Variants in PCSK5 observed in about 807,000 individuals in gnomAD.
PCSK5 encodes prohormone convertase 5.
A neutral mutation model predicts 233.2 loss-of-function variants in PCSK5; 129 were observed. The observed-to-expected ratio is 0.55, with a 90% CI of 0.48 to 0.64. The LOEUF is 0.64. PCSK5 is among the 30% of genes least tolerant of loss of function. The pLI is 0.00. For missense variants in PCSK5, 2,076 were observed against 2,430.1 expected, an observed-to-expected ratio of 0.85 and a Z score of 3.06; for synonymous variants, 825 against 879.2, an observed-to-expected ratio of 0.94 and a Z score of 1.09.
At chr9:76,255,949 G>T (rs1314046991) in intron 24 of PCSK5, among the ~76,000 whole-genome samples, 2 of 152,324 alleles carry the variant, frequency 1.3e-5, no homozygotes, top group East Asian at 3.9e-4. Flanking sequence ...GCCAAATTCA[G>T]ACTTAGGACT....
intron 7 of PCSK5, among the ~76,000 whole-genome samples, chr9:76,083,414 G>A (rs756536768): frequency 5.9e-5 from 9 of 151,826 alleles, no homozygotes; most frequent in Admixed American, 2.6e-4. Flanking sequence ...GAGTTTCTTC[G>A]GCTTTAGTAA....
chr9:75,949,945 G>A (rs754016729), intron 2 of PCSK5, among the ~76,000 whole-genome samples: 4 of 152,128 alleles, frequency 2.6e-5, no homozygotes, highest in Non-Finnish European at 5.9e-5. Flanking sequence ...CATCTATGTT[G>A]GGACATTAAG....
intron 1 of PCSK5, among the ~76,000 whole-genome samples, chr9:75,923,042 C>T (rs889158409): frequency 1.3e-5 from 2 of 152,152 alleles, no homozygotes; most frequent in African/African-American, 4.8e-5. Context: ...GGTGGGGATA[C>T]TATGTTAGTG....
At chr9:76,159,463 C>T (rs1822749507) in intron 12 of PCSK5, among the ~76,000 whole-genome samples, 1 of 152,246 alleles carries the variant, frequency 6.6e-6, no homozygotes, top group Non-Finnish European at 1.5e-5. Context: ...CGTAAGGCCT[C>T]TGATATCCCC....
rs543683263 is a variant in PCSK5 at position 76,248,737 on chromosome 9, G to A, written c.3142+8053G>A. Among the ~76,000 whole-genome samples the A allele has an allele frequency of 5.9e-5, 9 of 152,232 alleles. No homozygotes were observed. In the South Asian group the frequency reaches 1.5e-3, roughly 25 times the overall value. ...CAGTTCCATAAACCTGACATTATATGTCTCCTGATGTGGTACTCAAGTAGA... is the reference window on the plus strand; with the variant it reads ...CAGTTCCATAAACCTGACATTATATATCTCCTGATGTGGTACTCAAGTAGA... On this transcript the variant is annotated intron_variant, in intron 24 of 37. Coordinates refer to ENST00000674117, the MANE Select transcript of PCSK5 (RefSeq NM_001372043.1).
intron 2 of PCSK5, among the ~76,000 whole-genome samples, chr9:75,942,477 G>T (rs1160977326): frequency 6.6e-6 from 1 of 152,178 alleles, no homozygotes; most frequent in Non-Finnish European, 1.5e-5. Flanking sequence ...CACGGTGGGG[G>T]CTCAAACATT....
rs901719514 is a variant in PCSK5, at chr9:76,194,083, A to G, written c.2626+4337A>G. ...TGGGTTATTTTACACGCAGTTCGCC[A>G]AATGGGATTGCTCTGTATAGTCAAA... On this transcript the variant is annotated intron_variant, in intron 20 of 37. Coordinates refer to ENST00000674117, the MANE Select transcript of PCSK5 (RefSeq NM_001372043.1). The G allele has an allele frequency of 2.0e-5, 3 of 152,238 alleles. No homozygotes were observed. The East Asian group carries it at 5.8e-4, about 29-fold the overall frequency. 9.4% of individuals were successfully genotyped at this position (152,238 alleles called of 1,614,324 possible). A position where few individuals can be genotyped will look rare whatever the true frequency, so the allele number is the denominator to read the frequency against.
chr9:76,349,318 T>C (rs1246630525), intron 35 of PCSK5, among the ~76,000 whole-genome samples: 3 of 140,840 alleles, frequency 2.1e-5, no homozygotes, highest in Admixed American at 1.4e-4. Flanking sequence ...AAATGTAGAA[T>C]GGGAAAAAGG....
intron 2 of PCSK5, among the ~76,000 whole-genome samples, chr9:75,961,773 A>G (rs1825365795): frequency 6.6e-6 from 1 of 152,256 alleles, no homozygotes; most frequent in African/African-American, 2.4e-5. Context: ...TATCGCCTAC[A>G]TGATGAAGTG....
intron 20 of PCSK5, among the ~76,000 whole-genome samples, chr9:76,197,581 T>C (rs1824751782): frequency 6.6e-6 from 1 of 152,208 alleles, no homozygotes; most frequent in South Asian, 2.1e-4. Context: ...AGACATTCAT[T>C]CTTAACAGCT....
rs145396902 is a variant in PCSK5, at chr9:76,158,315, G to A, written c.1431-668G>A. ...GACCTTGAAGGAAGAAGCGTTAGCC[G>A]TAGGGACATCAGCAACAACAACAAA... On this transcript the variant is annotated intron_variant, in intron 11 of 37. Coordinates refer to ENST00000674117, the MANE Select transcript of PCSK5 (RefSeq NM_001372043.1). Among the ~76,000 whole-genome samples, 162 of 152,284 alleles carry A rather than the reference G, an allele frequency of 1.1e-3. 1 individual carries two copies. Among genetic ancestry groups the A allele is most frequent in the East Asian group, 3.5e-3 (18 of 5,172 alleles).
chr9:76,118,943 T>G (rs768225423), intron 9 of PCSK5, among the ~76,000 whole-genome samples: 1 of 152,090 alleles, frequency 6.6e-6, no homozygotes, highest in Non-Finnish European at 1.5e-5. Flanking sequence ...TCAGATCATG[T>G]TGTTCATTTT....
intron 31 of PCSK5, among the ~76,000 whole-genome samples, chr9:76,322,251 T>C (rs1829230303): frequency 6.6e-6 from 1 of 152,188 alleles, no homozygotes; most frequent in South Asian, 2.1e-4. Flanking sequence ...CGCCCAGCTG[T>C]TCCCATCTTT....
chr9:76,084,811 A>AGG (rs1231019189), intron 7 of PCSK5, among the ~76,000 whole-genome samples: 1 of 152,208 alleles, frequency 6.6e-6, no homozygotes, highest in East Asian at 1.9e-4. Flanking sequence ...GTAACAAACA[A>AGG]GGGCCCATGG....
chr9:76,167,833 C>T (rs756625774), intron 12 of PCSK5, among the ~76,000 whole-genome samples: 1 of 152,106 alleles, frequency 6.6e-6, no homozygotes, highest in Non-Finnish European at 1.5e-5. Flanking sequence ...AGCCATCAAA[C>T]TTTAGTTACC....
In PCSK5 at chr9:76,310,778, TG is replaced by T; in HGVS notation, c.3812del (p.Cys1271SerfsTer76). 6.2e-7 allele frequency: 1 copy of T among 1,612,268 alleles called. No individual in the cohort carries two copies. Among genetic ancestry groups the T allele is most frequent in the Non-Finnish European group, 8.5e-7 (1 of 1,179,644 alleles). On this transcript the variant is annotated frameshift_variant, in exon 30 of 38. Transcript: ENST00000674117. LOFTEE classifies it high-confidence loss of function. ...ACAICSGADL[C>X]KKCQMQPGHP... The stretch of plus-strand genomic sequence containing the variant: ...TGCCATCTGCTCTGGAGCCGATCTT[TG>T]CAAAAAATGCCAGATGCAGCCGGGC...
At chr9:76,235,951 C>T (rs1398021577) in intron 22 of PCSK5, among the ~76,000 whole-genome samples, 4 of 152,202 alleles carry the variant, frequency 2.6e-5, no homozygotes, top group South Asian at 2.1e-4. Flanking sequence ...ATCCTCCAGC[C>T]GGGGTGTCCC....
At chr9:76,278,628 A>G (rs1346121922) in intron 24 of PCSK5, among the ~76,000 whole-genome samples, 2 of 152,180 alleles carry the variant, frequency 1.3e-5, no homozygotes, top group African/African-American at 2.4e-5. Flanking sequence ...AGCAAAAATT[A>G]ATATTAATAT....
chr9:76,023,631 C>G, intron 3 of PCSK5, 107 bp from the exon 4 acceptor site: 1 of 1,059,054 alleles, frequency 9.4e-7, no homozygotes, highest in Non-Finnish European at 1.4e-6. Flanking sequence ...CTACTACACT[C>G]CAGCCTGGGC....
Sources: allele counts gnomAD v4.1 joint callset (sites outside exome capture counted in the v4.1 genomes callset), GRCh38; gene constraint gnomAD v4.1.1; transcripts MANE v1.5; gene names NCBI Gene and HGNC (gene_info 2026-07-23, HGNC 2026-07-21).